MESD: variants seen among roughly 807,000 people sequenced by gnomAD.
MESD encodes the protein LRP chaperone MESD.
In MESD, 7 loss-of-function variants were observed where a neutral mutation model predicts 12.9. The observed-to-expected ratio is 0.54, with a 90% CI of 0.31 to 1.02. The LOEUF (loss-of-function observed/expected upper bound fraction) is 1.02, where lower values mean the gene tolerates loss of function less well. MESD is among the 50% of genes least tolerant of loss of function. The pLI, the probability that MESD is intolerant of heterozygous loss-of-function variation, is 0.05. For missense variants in MESD, 342 were observed against 296.7 expected, an observed-to-expected ratio of 1.15 and a Z score of -1.12; for synonymous variants, 126 against 115.6, an observed-to-expected ratio of 1.09 and a Z score of -0.58.
chr15:80,965,793 G>T (rs1357844837), intron 3 of MESD, among the ~76,000 whole-genome samples: 1 of 152,144 alleles, frequency 6.6e-6, no homozygotes, highest in Non-Finnish European at 1.5e-5. Context: ...TCACACACCA[G>T]GGCCTATTGT....
intron 3 of MESD, among the ~76,000 whole-genome samples, chr15:80,959,920 T>C (rs117309418): frequency 0.05 from 7,578 of 152,272 alleles, 236 homozygotes; most frequent in Middle Eastern, 0.18. Context: ...TTGATGCCCA[T>C]AGTGTAAATT....
At chr15:80,963,012 C>T (rs181292678) in intron 3 of MESD, among the ~76,000 whole-genome samples, 6 of 151,954 alleles carry the variant, frequency 3.9e-5, no homozygotes, top group Admixed American at 2.0e-4. Flanking sequence ...GATAGAGACA[C>T]AAAAAACCCT....
At chr15:80,973,393 G>T (rs931945571), downstream of MESD, among the ~76,000 whole-genome samples, 27 of 151,964 alleles carry the variant, frequency 1.8e-4, no homozygotes, top group Non-Finnish European at 3.1e-4. Context: ...ACAAAAATTC[G>T]CCGGGTGTAG....
At position 80,976,189 on chromosome 15, in the gene MESD, C is replaced by T. The variant is rs1902410960; in HGVS notation, c.*3030G>A. ...AATTTTTAGTAGAGACAGGGCTTCACCATGTTGGCCAGGCTGGTCTCAAAC... is the reference window on the plus strand; with the variant it reads ...AATTTTTAGTAGAGACAGGGCTTCATCATGTTGGCCAGGCTGGTCTCAAAC... On this transcript the variant is annotated 3_prime_UTR_variant, in exon 3 of 3. Transcript: ENST00000261758. The T allele has an allele frequency of 1.3e-5, 2 of 152,380 alleles. No individual in the cohort carries two copies. The highest frequency in any genetic ancestry group is 1.3e-4 in the Admixed American group (2 of 15,284). 9.4% of individuals were successfully genotyped at this position (152,380 alleles called of 1,614,324 possible).
downstream of MESD, among the ~76,000 whole-genome samples, chr15:80,974,737 GAAAA>G (rs1446740401): frequency 8.2e-6 from 1 of 122,162 alleles, no homozygotes; most frequent in African/African-American, 3.1e-5. Flanking sequence ...GAAGGATTAA[GAAAA>G]AAGATTCAGA....
rs139561565 is a variant in MESD, at chr15:80,968,052, A to G, written c.*288+10879T>C. 1.0e-3 allele frequency among the ~76,000 whole-genome samples: 158 copies of G among 152,324 alleles called. 1 individual carries two copies. Among genetic ancestry groups the G allele is most frequent in the African/African-American group, 3.5e-3 (147 of 41,582 alleles). On this transcript the variant is annotated intron_variant, in intron 3 of 4. Coordinates refer to the MESD transcript ENST00000561312. Reference sequence around the variant, plus strand: ...TGGGACCTCCTGAAATCTGCCTACCAAAAATTTCCTTGTACCAGCAAGCAG... The same window carrying G: ...TGGGACCTCCTGAAATCTGCCTACCGAAAATTTCCTTGTACCAGCAAGCAG...
At chr15:80,950,782 A>G (rs1439681794) in intron 4 of MESD, 1 of 152,646 alleles carries the variant, frequency 6.6e-6, no homozygotes, top group Non-Finnish European at 1.5e-5. Context: ...GGAGAACTCT[A>G]TCTGTGGTTT....
At chr15:80,961,701 A>G (rs931970823) in intron 3 of MESD, among the ~76,000 whole-genome samples, 9 of 152,226 alleles carry the variant, frequency 5.9e-5, no homozygotes, top group South Asian at 2.1e-4. Context: ...GAAAACTGTA[A>G]AACAACCTAA....
downstream of MESD, among the ~76,000 whole-genome samples, chr15:80,970,863 T>C (rs1380520789): frequency 6.6e-6 from 1 of 152,112 alleles, no homozygotes; most frequent in Non-Finnish European, 1.5e-5. Context: ...ATGTCAGGGG[T>C]AGCACGGATT....
chr15:80,954,916 C>T (rs1040951630), intron 3 of MESD, among the ~76,000 whole-genome samples: 1 of 152,190 alleles, frequency 6.6e-6, no homozygotes, highest in Non-Finnish European at 1.5e-5. Flanking sequence ...AATTCTCCTT[C>T]CAATGTGGCC....
intron 3 of MESD, chr15:80,953,121 G>C (rs1567117943): frequency 2.2e-6 from 1 of 455,754 alleles, no homozygotes; most frequent in Non-Finnish European, 4.4e-6. Context: ...GTGGGCTTGA[G>C]AACACCTGGG....
intron 1 of MESD, among the ~76,000 whole-genome samples, chr15:80,988,411 G>A (rs915975373): frequency 6.6e-6 from 1 of 152,216 alleles, no homozygotes; most frequent in Non-Finnish European, 1.5e-5. Context: ...CAGGGTCTGA[G>A]TAGGTCAAGG....
intron 3 of MESD, among the ~76,000 whole-genome samples, chr15:80,963,138 A>T (rs1207459351): frequency 6.6e-6 from 1 of 152,250 alleles, no homozygotes; most frequent in Non-Finnish European, 1.5e-5. Context: ...AAAAAACGAT[A>T]AAGTGGATAT....
intron 3 of MESD, among the ~76,000 whole-genome samples, chr15:80,955,795 C>G (rs1339828855): frequency 6.6e-6 from 1 of 151,624 alleles, no homozygotes; most frequent in African/African-American, 2.4e-5. Context: ...TAATTTTTTG[C>G]ATTTTTAGTA....
chr15:80,970,042 T>C (rs60173637), intron 3 of MESD, among the ~76,000 whole-genome samples: 2,164 of 152,320 alleles, frequency 0.014, 53 homozygotes, highest in African/African-American at 0.05. Flanking sequence ...ATGGATAAGA[T>C]AATCCCTTGG....
At position 80,962,951 on chromosome 15, in the gene MESD, A is replaced by C. The variant is rs142562567; in HGVS notation, c.*289-10655T>G. 2.2e-3 allele frequency among the ~76,000 whole-genome samples: 329 copies of C among 152,298 alleles called. 8 individuals carry two copies. In the East Asian group the frequency reaches 0.057, roughly 26 times the overall value. On this transcript the variant is annotated intron_variant, in intron 3 of 4. Transcript: ENST00000561312. ...ACTAGAGAAGTAAGAGCAAACATTCAAAAGCTAGCAGAAAACAAGAAATAA... is the reference window on the plus strand; with the variant it reads ...ACTAGAGAAGTAAGAGCAAACATTCCAAAGCTAGCAGAAAACAAGAAATAA...
At chr15:80,955,254 G>C (rs1901944708) in intron 3 of MESD, among the ~76,000 whole-genome samples, 1 of 151,674 alleles carries the variant, frequency 6.6e-6, no homozygotes, top group South Asian at 2.1e-4. Flanking sequence ...GGGAGGCCGA[G>C]GCGGGCGGAT....
intron 1 of MESD, among the ~76,000 whole-genome samples, 184 bp from the exon 2 acceptor site, chr15:80,982,366 T>C (rs1902605368): frequency 6.6e-6 from 1 of 152,168 alleles, no homozygotes; most frequent in Non-Finnish European, 1.5e-5. Context: ...AGGCAGCACA[T>C]ACTACCCACA....
At chr15:80,948,107 C>T (rs930912114) in exon 5 of MESD, 1 of 153,078 alleles carries the variant, frequency 6.5e-6, no homozygotes, top group South Asian at 2.1e-4. Context: ...ATTAAGATCC[C>T]GGTTGCCAAA....
Sources: allele counts gnomAD v4.1 joint callset (sites outside exome capture counted in the v4.1 genomes callset), GRCh38; gene constraint gnomAD v4.1.1; transcripts MANE v1.5; gene names NCBI Gene and HGNC (gene_info 2026-07-23, HGNC 2026-07-21).